GSPT1: variants seen among roughly 807,000 people sequenced by gnomAD.
The protein encoded by GSPT1 is G1 to S phase transition 1.
GSPT1 carries 20 observed loss-of-function variants against 72.5 expected under a neutral mutation model. That is an observed-to-expected ratio of 0.28 (90% CI 0.19 to 0.40). The LOEUF (loss-of-function observed/expected upper bound fraction) is 0.40, where lower values mean the gene tolerates loss of function less well. Among genes scored for constraint, GSPT1 ranks in the 10% least tolerant of loss-of-function variants. GSPT1 has a pLI of 1.00. For synonymous variants in GSPT1, 334 were observed against 293.5 expected (o/e 1.14, Z -1.41); for missense variants, 580 against 811.9 (o/e 0.71, Z 3.47).
chr16:11,900,519 A>G (rs2054393043), intron 1 of GSPT1, among the ~76,000 whole-genome samples: 1 of 152,038 alleles, frequency 6.6e-6, no homozygotes, highest in Non-Finnish European at 1.5e-5. Context: ...TCCCACCAAA[A>G]GCCTTAGGAA....
At chr16:11,892,523 C>CAAAAAAAAAA (rs1452581943) in intron 5 of GSPT1, among the ~76,000 whole-genome samples, 1 of 116,066 alleles carries the variant, frequency 8.6e-6, no homozygotes, top group Non-Finnish European at 1.8e-5. Flanking sequence ...ACAAAAAAAA[C>CAAAAAAAAAA]AAAAAAAACA....
chr16:11,915,186 C>G, intron 1 of GSPT1, 183 bp downstream of exon 1: 1 of 1,053,916 alleles, frequency 9.5e-7, no homozygotes, highest in Non-Finnish European at 1.1e-6. Context: ...GCCCGGCCAC[C>G]GCCGCGGGCC....
rs952734346 is a variant in GSPT1 at position 11,872,531 on chromosome 16, G to A, written c.*588C>T. On this transcript the variant is annotated 3_prime_UTR_variant, in exon 15 of 15. Transcript: ENST00000434724. ...TAATACAAACTTGAACGCTGTGAAT[G>A]TCTCATTTATAGTGGGTAGGGAAAG... The A allele has an allele frequency of 6.6e-6, 1 of 152,166 alleles. No homozygotes were observed. The highest frequency in any genetic ancestry group is 1.5e-5 in the Non-Finnish European group (1 of 68,046). The allele number at this position is 152,166 out of a possible 1,614,324, so 9.4% of individuals were successfully genotyped here. A position where few individuals can be genotyped will look rare whatever the true frequency, so the allele number is the denominator to read the frequency against.
chr16:11,897,869 G>A lies in GSPT1; in HGVS notation c.407C>T (p.Ala136Val), dbSNP rs2054359427. ...EQSLCEGSNSAVSMELSEPIV... is the reference protein window; with the variant it reads ...EQSLCEGSNSVVSMELSEPIV... ...AGGTTCTGAAAGTTCCATGCTAACA[G>A]CTGAATTTGAACCTAGACAAGAGAT... The change falls in exon 3 of 15, where the codon GCT becomes GTT. Residue 136 changes from alanine to valine, a missense_variant. Around this residue, in one of 6 missense-constraint regions of GSPT1, gnomAD observed 327 missense variants for 298.8 expected, o/e 1.09. Transcript: ENST00000434724. 1.9e-6 allele frequency: 3 copies of A among 1,542,564 alleles called. No homozygotes were observed. The highest frequency in any genetic ancestry group is 2.6e-6 in the Non-Finnish European group (3 of 1,132,290).
chr16:11,894,682 A>G (rs1026729272), intron 5 of GSPT1, among the ~76,000 whole-genome samples: 1 of 152,208 alleles, frequency 6.6e-6, no homozygotes, highest in African/African-American at 2.4e-5. Flanking sequence ...ACAGAGTCTC[A>G]TTGTCTTGCC....
At chr16:11,911,587 A>T (rs1185823284) in intron 1 of GSPT1, among the ~76,000 whole-genome samples, 3 of 140,232 alleles carry the variant, frequency 2.1e-5, no homozygotes, top group Non-Finnish European at 3.0e-5. Flanking sequence ...CAGAGTGTCA[A>T]TGTCGCCCAG....
intron 5 of GSPT1, among the ~76,000 whole-genome samples, chr16:11,894,209 G>T (rs1030327702): frequency 3.5e-5 from 4 of 114,078 alleles, no homozygotes; most frequent in African/African-American, 9.8e-5. Context: ...AACTAGGCAA[G>T]ATGATGGCAA....
chr16:11,874,707 C>A (rs960074067), intron 14 of GSPT1, among the ~76,000 whole-genome samples: 3 of 151,992 alleles, frequency 2.0e-5, no homozygotes, highest in Non-Finnish European at 4.4e-5. Flanking sequence ...ACAATTTCAT[C>A]CAATGTAAAG....
chr16:11,915,083 G>A (rs1272050538), intron 1 of GSPT1: 2 of 1,292,456 alleles, frequency 1.5e-6, no homozygotes, highest in Non-Finnish European at 2.0e-6. Flanking sequence ...CCCATCTCAA[G>A]TGGGTAACTG....
At chr16:11,880,492 C>CA (rs1171659831) in intron 11 of GSPT1, among the ~76,000 whole-genome samples, 2 of 151,782 alleles carry the variant, frequency 1.3e-5, no homozygotes, top group Non-Finnish European at 2.9e-5. Flanking sequence ...CTCTGCTTTC[C>CA]AAAAAAAAGT....
At chr16:11,876,043 A>C (rs2054043175) in intron 13 of GSPT1, 43 bp downstream of exon 13, 2 of 1,470,932 alleles carry the variant, frequency 1.4e-6, no homozygotes, top group East Asian at 4.5e-5. Flanking sequence ...TATGAAGATA[A>C]AACAGTATTA....
intron 1 of GSPT1, among the ~76,000 whole-genome samples, chr16:11,910,374 T>C (rs942196070): frequency 6.6e-6 from 1 of 152,232 alleles, no homozygotes; most frequent in African/African-American, 2.4e-5. Context: ...ACTGGGCATC[T>C]GATCCCTTTC....
rs542989682 is a variant in GSPT1 at position 11,885,283 on chromosome 16, A to T, written c.1254-9T>A. The T allele has an allele frequency of 1.0e-5, 14 of 1,366,568 alleles. 1 individual carries two copies. In the Admixed American group the frequency reaches 2.4e-4, roughly 23 times the overall value. The allele number at this position is 1,366,568 out of a possible 1,614,324, so 84.7% of individuals were successfully genotyped here. ...GAATAAACGGTAATCCACTGAGAACATAACAACAAAGCCATTAAAGGAAGT... is the reference window on the plus strand; with the variant it reads ...GAATAAACGGTAATCCACTGAGAACTTAACAACAAAGCCATTAAAGGAAGT... On this transcript the variant is annotated splice_polypyrimidine_tract_variant and intron_variant, in intron 9 of 14. Coordinates refer to ENST00000434724, the MANE Select transcript of GSPT1 (RefSeq NM_002094.4).
intron 1 of GSPT1, among the ~76,000 whole-genome samples, chr16:11,900,494 C>T (rs1045357132): frequency 6.6e-6 from 1 of 151,886 alleles, no homozygotes; most frequent in Non-Finnish European, 1.5e-5. Flanking sequence ...CCCTAAGTGC[C>T]GACTGCTAGC....
chr16:11,914,952 T>C, intron 1 of GSPT1: 1 of 1,196,198 alleles, frequency 8.4e-7, no homozygotes, highest in Non-Finnish European at 1.1e-6. Flanking sequence ...ACTCGGCCAT[T>C]CGTCCTCCCC....
Position 11,911,030 on chromosome 16 carries a change from C to T in GSPT1, c.352+4339G>A, listed in dbSNP as rs533819921. Among the ~76,000 whole-genome samples, 7 of 152,276 alleles carry T rather than the reference C, an allele frequency of 4.6e-5. No homozygotes were observed. The South Asian group carries it at 1.5e-3, about 32-fold the overall frequency. On this transcript the variant is annotated intron_variant, in intron 1 of 14. Transcript: ENST00000434724. ...AGGCAGTGTTTACTACTGTGATACT[C>T]CAGGGATACTGTGGGGCCTCTCCTC...
At chr16:11,890,918 G>C (rs2141292388) in intron 6 of GSPT1, 144 bp downstream of exon 6, 3 of 568,562 alleles carry the variant, frequency 5.3e-6, no homozygotes, top group Non-Finnish European at 6.2e-6. Context: ...CTCATCTACT[G>C]TGTATTATGA....
At chr16:11,876,218 A>C (rs1193051861) in intron 12 of GSPT1, 43 bp from the exon 13 acceptor site, 2 of 1,207,698 alleles carry the variant, frequency 1.7e-6, no homozygotes, top group Non-Finnish European at 2.5e-6. Flanking sequence ...GCCTTAGGGT[A>C]AATAAGAATT....
chr16:11,889,233 AGGAGGTGGAGCTTGCAGTGAGT>A (rs2054223237), intron 6 of GSPT1, among the ~76,000 whole-genome samples: 2 of 150,790 alleles, frequency 1.3e-5, no homozygotes, highest in South Asian at 2.1e-4. Context: ...GTGTGAACCC[AGGAGGTGGAGCTTGCAGTGAGT>A]GGAGATGGAG....
Sources: allele counts gnomAD v4.1 joint callset (sites outside exome capture counted in the v4.1 genomes callset), GRCh38; gene constraint gnomAD v4.1.1; regional missense constraint gnomAD v4.1.1; transcripts MANE v1.5; gene names NCBI Gene and HGNC (gene_info 2026-07-23, HGNC 2026-07-21).